PLXNA4: variants seen among roughly 807,000 people sequenced by gnomAD.
PLXNA4 encodes the protein plexin A4, also known as plexin-A4.
PLXNA4 carries 44 observed loss-of-function variants against 191.8 expected under a neutral mutation model. The ratio of observed to expected loss-of-function variants is 0.23; its 90% CI spans 0.18 to 0.29. The LOEUF is 0.29. Among genes scored for constraint, PLXNA4 ranks in the 10% least tolerant of loss-of-function variants. The probability of loss-of-function intolerance (pLI) is 1.00; values close to 1 mark genes in which losing one functional copy is unlikely to be tolerated. For missense variants in PLXNA4, 1,800 were observed against 2,488.8 expected, an observed-to-expected ratio of 0.72 and a Z score of 5.89; for synonymous variants, 1,082 against 1,009.5, an observed-to-expected ratio of 1.07 and a Z score of -1.36.
At chr7:132,319,138 CCTAAT>C (rs749144877) in intron 3 of PLXNA4, among the ~76,000 whole-genome samples, 2 of 152,158 alleles carry the variant, frequency 1.3e-5, no homozygotes, top group Non-Finnish European at 2.9e-5. Context: ...CTCTATTTCC[CCTAAT>C]CTAATCTAGA....
At chr7:132,612,084 C>T (rs1435811566) in intron 2 of PLXNA4, among the ~76,000 whole-genome samples, 2 of 4,422 alleles carry the variant, frequency 4.5e-4, no homozygotes, top group African/African-American at 4.8e-4. Context: ...ATCAGAAAAA[C>T]AAGGCAAAAT....
rs955273478 is a variant in PLXNA4, at chr7:132,181,761, T to C, written c.3253-141A>G. ...TTAGAGATGAGTCAGGGCCACACAATTGGGCACTCAAGGAATAGGCTCTAT... is the reference window on the plus strand; with the variant it reads ...TTAGAGATGAGTCAGGGCCACACAACTGGGCACTCAAGGAATAGGCTCTAT... On this transcript the variant is annotated intron_variant, in intron 17 of 31. Coordinates refer to ENST00000321063, the MANE Select transcript of PLXNA4 (RefSeq NM_020911.2). The C allele has an allele frequency of 3.1e-5, 45 of 1,433,912 alleles. No homozygotes were observed. In the Admixed American group the frequency reaches 7.5e-4, roughly 24 times the overall value. 88.8% of individuals were successfully genotyped at this position (1,433,912 alleles called of 1,614,324 possible).
intron 1 of PLXNA4, among the ~76,000 whole-genome samples, chr7:132,542,162 T>C (rs556274155): frequency 1.3e-3 from 195 of 152,288 alleles, no homozygotes; most frequent in Middle Eastern, 3.4e-3. Context: ...AAATAATACA[T>C]GACTGGTGCC....
At chr7:132,257,728 T>A (rs1398139749) in intron 4 of PLXNA4, among the ~76,000 whole-genome samples, 3 of 152,222 alleles carry the variant, frequency 2.0e-5, no homozygotes, top group Non-Finnish European at 4.4e-5. Flanking sequence ...GGCCATTAGT[T>A]CTGACACAGA....
intron 3 of PLXNA4, among the ~76,000 whole-genome samples, chr7:132,363,742 T>C (rs1297072296): frequency 1.3e-5 from 2 of 152,262 alleles, no homozygotes; most frequent in Admixed American, 1.3e-4. Context: ...TAATTCTATG[T>C]TTAATTTTTT....
At chr7:132,518,762 C>T (rs557105732) in intron 1 of PLXNA4, among the ~76,000 whole-genome samples, 9 of 152,310 alleles carry the variant, frequency 5.9e-5, no homozygotes, top group East Asian at 1.9e-4. Flanking sequence ...GGAGGCTGAG[C>T]CTGTGAGCCT....
At chr7:132,550,218 T>C (rs1305842303) in intron 1 of PLXNA4, among the ~76,000 whole-genome samples, 1 of 152,136 alleles carries the variant, frequency 6.6e-6, no homozygotes, top group Non-Finnish European at 1.5e-5. Flanking sequence ...CCCCACAGCA[T>C]GGTGGTGAGC....
chr7:132,612,816 C>A lies in PLXNA4; in HGVS notation c.-87+33112G>T, dbSNP rs1016796945. On this transcript the variant is annotated intron_variant, in intron 2 of 4. Transcript: ENST00000378539. Reference sequence around the variant, plus strand: ...CAGCACCCCTGAGCAGTTGTGACAACCCAAACTGTCTCTAGGCATCGCCCA... The same window carrying A: ...CAGCACCCCTGAGCAGTTGTGACAAACCAAACTGTCTCTAGGCATCGCCCA... Among the ~76,000 whole-genome samples, 3 of 152,048 alleles carry A rather than the reference C, an allele frequency of 2.0e-5. No individual in the cohort carries two copies. The South Asian group carries it at 6.2e-4, about 32-fold the overall frequency.
At chr7:132,453,074 T>C (rs145213249) in intron 3 of PLXNA4, among the ~76,000 whole-genome samples, 1 of 152,128 alleles carries the variant, frequency 6.6e-6, no homozygotes, top group East Asian at 1.9e-4. Context: ...GGGAATTATG[T>C]AGAGGCCCCA....
chr7:132,351,435 A>C (rs759895628), intron 3 of PLXNA4, among the ~76,000 whole-genome samples: 4 of 152,204 alleles, frequency 2.6e-5, no homozygotes, highest in Non-Finnish European at 5.9e-5. Flanking sequence ...TTCAGTTTCC[A>C]GATTGTGTTG....
Position 132,130,352 on chromosome 7 carries a change from A to G in PLXNA4, c.*127T>C. The stretch of plus-strand genomic sequence containing the variant: ...AACGGAAAGAGGCAGAGAGAAAGAG[A>G]GAGAAACAGCGCTGCTCAGGGGATG... On this transcript the variant is annotated 3_prime_UTR_variant, in exon 32 of 32. Coordinates refer to ENST00000321063, the MANE Select transcript of PLXNA4 (RefSeq NM_020911.2). 7.7e-7 allele frequency: 1 copy of G among 1,298,910 alleles called. No homozygotes were observed. Among genetic ancestry groups the G allele is most frequent in the East Asian group, 2.4e-5 (1 of 42,156 alleles). 80.5% of individuals were successfully genotyped at this position (1,298,910 alleles called of 1,614,324 possible).
At chr7:132,490,163 G>A (rs1247277780) in intron 2 of PLXNA4, among the ~76,000 whole-genome samples, 2 of 152,172 alleles carry the variant, frequency 1.3e-5, no homozygotes, top group African/African-American at 4.8e-5. Flanking sequence ...GTCTTTTAGA[G>A]CATTGTGAAG....
chr7:132,365,782 G>A (rs886818896), intron 3 of PLXNA4: 1 of 152,198 alleles, frequency 6.6e-6, no homozygotes, highest in Non-Finnish European at 1.5e-5. Context: ...CAATTCCTTT[G>A]AGAACGTTAA....
At chr7:132,276,181 G>A (rs1584934366) in intron 4 of PLXNA4, among the ~76,000 whole-genome samples, 1 of 152,160 alleles carries the variant, frequency 6.6e-6, no homozygotes, top group East Asian at 1.9e-4. Flanking sequence ...CATGAGCATA[G>A]CCTGTTTGGT....
At chr7:132,371,287 G>A (rs150429072) in intron 3 of PLXNA4, among the ~76,000 whole-genome samples, 1 of 152,160 alleles carries the variant, frequency 6.6e-6, no homozygotes, top group Non-Finnish European at 1.5e-5. Flanking sequence ...TGTTTGGGTG[G>A]GCAAGGAAGG....
Position 132,128,275 on chromosome 7 carries a change from G to T in PLXNA4, c.*2204C>A, listed in dbSNP as rs1204762013. ...GGTACTGCACTTGCCAAAACCTTTGGTTATTTATTTTTTTTCTTCCTCTTC... is the reference window on the plus strand; with the variant it reads ...GGTACTGCACTTGCCAAAACCTTTGTTTATTTATTTTTTTTCTTCCTCTTC... On this transcript the variant is annotated 3_prime_UTR_variant, in exon 32 of 32. Transcript: ENST00000321063. 6.6e-6 allele frequency: 1 copy of T among 152,136 alleles called. No individual in the cohort carries two copies. Among genetic ancestry groups the T allele is most frequent in the Non-Finnish European group, 1.5e-5 (1 of 68,042 alleles). The allele number at this position is 152,136 out of a possible 1,614,324, so 9.4% of individuals were successfully genotyped here.
intron 4 of PLXNA4, among the ~76,000 whole-genome samples, chr7:132,249,884 C>T (rs1799186024): frequency 6.6e-6 from 1 of 152,188 alleles, no homozygotes; most frequent in African/African-American, 2.4e-5. Flanking sequence ...GGCTGAGGAG[C>T]CCCACCTACG....
intron 3 of PLXNA4, among the ~76,000 whole-genome samples, chr7:132,403,036 T>C (rs1026022977): frequency 2.0e-5 from 3 of 152,262 alleles, no homozygotes; most frequent in African/African-American, 7.2e-5. Context: ...CTTGGCCAGC[T>C]GCATTGCCTT....
chr7:132,416,297 A>G (rs1004673591), intron 3 of PLXNA4, among the ~76,000 whole-genome samples: 2 of 152,246 alleles, frequency 1.3e-5, no homozygotes, highest in African/African-American at 4.8e-5. Flanking sequence ...AACCTAGGGC[A>G]GCATGACATG....
Sources: allele counts gnomAD v4.1 joint callset (sites outside exome capture counted in the v4.1 genomes callset), GRCh38; gene constraint gnomAD v4.1.1; transcripts MANE v1.5; gene names NCBI Gene and HGNC (gene_info 2026-07-23, HGNC 2026-07-21).